RBM12: variants seen among roughly 807,000 people sequenced by gnomAD.
The protein encoded by RBM12 is RNA binding motif protein 12.
A neutral mutation model predicts 37.2 loss-of-function variants in RBM12; 24 were observed. The ratio of observed to expected loss-of-function variants is 0.65; its 90% confidence interval spans 0.47 to 0.91. The LOEUF is 0.91. Among genes scored for constraint, RBM12 ranks in the 40% least tolerant of loss-of-function variants. The pLI is 0.00. For synonymous variants in RBM12, 420 were observed against 425.2 expected (o/e 0.99, Z 0.15); for missense variants, 1,061 against 1,183.2 (o/e 0.90, Z 1.52).
At chr20:35,655,493 C>T in intron 2 of RBM12, 149 bp from the exon 3 acceptor site, 1 of 712,760 alleles carries the variant, frequency 1.4e-6, no homozygotes, top group East Asian at 2.8e-5. Flanking sequence ...ATTCTAAAAA[C>T]TGAACATTAC....
Position 35,653,703 on chromosome 20 carries a change from G to A in RBM12, c.1620C>T (p.Asn540=), listed in dbSNP as rs1568936157. ...EMILNPEGDV[N]SAKVCAHITN... is the part of the protein sequence containing the mutation. ...TTATGTGGGCACAGACTTTGGCAGA[G>A]TTGACATCCCCCTCTGGATTTAGTA... is the stretch of plus-strand genomic sequence containing the variant. Residue 540 remains asparagine (N), a synonymous_variant, in exon 3 of 3, where the codon AAC becomes AAT. Transcript: ENST00000374114. The A allele has an allele frequency of 1.2e-6, 2 of 1,614,228 alleles. No homozygotes were observed.
In RBM12 at chr20:35,651,830, G is replaced by C. The variant is rs1460686124; in HGVS notation, c.*694C>G. 1.3e-5 allele frequency: 2 copies of C among 152,564 alleles called. No homozygotes were observed. The highest frequency in any genetic ancestry group is 2.9e-5 in the Non-Finnish European group (2 of 68,024). The allele number at this position is 152,564 out of a possible 1,614,324, so 9.5% of individuals were successfully genotyped here. A position where few individuals can be genotyped will look rare whatever the true frequency, so the allele number is the denominator to read the frequency against. On this transcript the variant is annotated 3_prime_UTR_variant, in exon 3 of 3. Transcript: ENST00000374114. ...AGTCTTATTCCACACAGTTTTAAGT[G>C]TGACATTAGAAATCAAAGTTTGAGG...
At position 35,654,302 on chromosome 20, in the gene RBM12, G is replaced by C. The variant is rs750363901; in HGVS notation, c.1021C>G (p.Arg341Gly). Residue 341 changes from arginine to glycine, a missense_variant, in exon 3 of 3, where the codon CGA becomes GGA. By Grantham distance (125) the Arg-to-Gly change is moderately radical. Transcript: ENST00000374114. ...AVHLLKDHVG[R>G]NNGNGLVKFL... ...TTAACCAATCCATTCCCATTATTTCGACCTACATGATCTTTCAACAAATGC... is the reference window on the plus strand; with the variant it reads ...TTAACCAATCCATTCCCATTATTTCCACCTACATGATCTTTCAACAAATGC... 2.5e-6 allele frequency: 4 copies of C among 1,613,864 alleles called. No homozygotes were observed. The highest frequency in any genetic ancestry group is 2.2e-5 in the East Asian group (1 of 44,892).
At chr20:35,660,208 T>G (rs1026162762) in intron 1 of RBM12, among the ~76,000 whole-genome samples, 1 of 152,194 alleles carries the variant, frequency 6.6e-6, no homozygotes, top group African/African-American at 2.4e-5. Flanking sequence ...GCCTCTTTTT[T>G]TTTTCTTTTT....
intron 1 of RBM12, among the ~76,000 whole-genome samples, chr20:35,663,694 C>A (rs2034363947): frequency 6.6e-6 from 1 of 152,190 alleles, no homozygotes; most frequent in Non-Finnish European, 1.5e-5. Context: ...GAGTAACCCT[C>A]ACAAGAGCCC....
chr20:35,663,167 A>G (rs1282019267), intron 1 of RBM12, among the ~76,000 whole-genome samples: 5 of 152,210 alleles, frequency 3.3e-5, no homozygotes, highest in African/African-American at 9.7e-5. Context: ...ATGTCTGCAC[A>G]CTTTCCACTA....
chr20:35,651,086 G>A lies in RBM12; in HGVS notation c.*1438C>T, dbSNP rs41309308. The A allele has an allele frequency of 0.021, 3,225 of 152,236 alleles. 53 individuals are homozygous for A. The highest frequency in any genetic ancestry group is 0.033 in the Non-Finnish European group (2,235 of 67,984). 9.4% of individuals were successfully genotyped at this position (152,236 alleles called of 1,614,324 possible). The stretch of plus-strand genomic sequence containing the variant: ...GTAAGGCCAAGTTTTTCATCACAAG[G>A]AAAGTAACCATAATTAGAGCCTTTT... On this transcript the variant is annotated 3_prime_UTR_variant, in exon 3 of 3. Coordinates refer to ENST00000374114, the MANE Select transcript of RBM12 (RefSeq NM_006047.6).
chr20:35,658,840 A>G, intron 2 of RBM12, 90 bp downstream of exon 2: 1 of 649,436 alleles, frequency 1.5e-6, no homozygotes, highest in Non-Finnish European at 2.8e-6. Flanking sequence ...CACACACACA[A>G]TATAGTTGCT....
intron 1 of RBM12, among the ~76,000 whole-genome samples, chr20:35,662,874 C>T (rs1057270593): frequency 1.3e-5 from 2 of 152,104 alleles, no homozygotes; most frequent in Middle Eastern, 3.2e-3. Context: ...TTGCAAGTAA[C>T]CACACAATTA....
intron 2 of RBM12, among the ~76,000 whole-genome samples, chr20:35,657,866 G>C (rs1338671820): frequency 6.6e-6 from 1 of 152,052 alleles, no homozygotes; most frequent in East Asian, 1.9e-4. Flanking sequence ...TTCAAGACCA[G>C]CCTGGCCAAC....
At position 35,653,351 on chromosome 20, in the gene RBM12, G is replaced by A. The variant is rs1037959747; in HGVS notation, c.1972C>T (p.Pro658Ser). 1.9e-6 allele frequency: 3 copies of A among 1,614,122 alleles called. No individual in the cohort carries two copies. The highest frequency in any genetic ancestry group is 2.5e-6 in the Non-Finnish European group (3 of 1,179,994). The part of the protein sequence containing the change: ...AVPGMPNAGL[P>S]GVGLPSAGLP... Reference sequence around the variant, plus strand: ...CCTGCACTGGGCAGTCCCACACCGGGCAGTCCCGCATTGGGCATTCCTGGA... The same window carrying A: ...CCTGCACTGGGCAGTCCCACACCGGACAGTCCCGCATTGGGCATTCCTGGA... The change falls in exon 3 of 3, where the codon CCC (proline) becomes TCC (serine). Residue 658 changes from proline to serine, a missense_variant. By Grantham distance (74) the Pro-to-Ser change is moderately conservative (BLOSUM62 -1). This residue lies in a region of RBM12 where 517 missense variants were observed against 534.0 expected (regional missense o/e 0.97). Transcript: ENST00000374114.
rs928413166 is a variant in RBM12 at position 35,651,312 on chromosome 20, G to GA, written c.*1211dup. ...CTGCCTTAGTGTCCTGAATACCAAA[G>GA]AAAAGAGTATGAAAGGGTCAAGAAT... On this transcript the variant is annotated 3_prime_UTR_variant, in exon 3 of 3. Coordinates refer to ENST00000374114, the MANE Select transcript of RBM12 (RefSeq NM_006047.6). 6.6e-6 allele frequency: 1 copy of GA among 152,136 alleles called. No homozygotes were observed. The highest frequency in any genetic ancestry group is 1.5e-5 in the Non-Finnish European group (1 of 68,014). The allele number at this position is 152,136 out of a possible 1,614,324, so 9.4% of individuals were successfully genotyped here.
At position 35,653,566 on chromosome 20, in the gene RBM12, C is replaced by A; in HGVS notation, c.1757G>T (p.Gly586Val). 6.2e-7 allele frequency: 1 copy of A among 1,614,202 alleles called. No homozygotes were observed. Among genetic ancestry groups the A allele is most frequent in the Non-Finnish European group, 8.5e-7 (1 of 1,180,028 alleles). Reference protein sequence around the residue: ...VLVDNNGQGLGQALVQFKNED... With the variant: ...VLVDNNGQGLVQALVQFKNED... ...ATTTTTAAACTGAACCAATGCCTGT[C>A]CTAGACCTTGCCCATTGTTATCAAC... Residue 586 changes from glycine to valine, a missense_variant, in exon 3 of 3, where the codon GGA (glycine) becomes GTA (valine). Physicochemically the swap from Gly to Val is moderately radical, Grantham distance 109. Coordinates refer to ENST00000374114, the MANE Select transcript of RBM12 (RefSeq NM_006047.6).
At chr20:35,660,307 G>C (rs1243333556) in intron 1 of RBM12, among the ~76,000 whole-genome samples, 2 of 152,112 alleles carry the variant, frequency 1.3e-5, no homozygotes, top group African/African-American at 4.8e-5. Flanking sequence ...CGCCTCCCTG[G>C]GTTCAAGCTA....
In RBM12 at chr20:35,653,683, T is replaced by C. The variant is rs1233352733; in HGVS notation, c.1640A>G (p.His547Arg). The change falls in exon 3 of 3, where the codon CAC becomes CGC. Residue 547 changes from histidine (H) to arginine (R), a missense_variant. By Grantham distance (29) the His-to-Arg change is conservative. Coordinates refer to ENST00000374114, the MANE Select transcript of RBM12 (RefSeq NM_006047.6). ...GDVNSAKVCA[H>R]ITNIPFSITK... ...AATGCTGAATGGAATATTTGTTATGTGGGCACAGACTTTGGCAGAGTTGAC... is the reference window on the plus strand; with the variant it reads ...AATGCTGAATGGAATATTTGTTATGCGGGCACAGACTTTGGCAGAGTTGAC... 1.2e-6 allele frequency: 2 copies of C among 1,614,118 alleles called. No individual in the cohort carries two copies. Among genetic ancestry groups the C allele is most frequent in the African/African-American group, 1.3e-5 (1 of 74,944 alleles).
chr20:35,650,893 C>T lies in RBM12; in HGVS notation c.*1631G>A, dbSNP rs538675468. On this transcript the variant is annotated 3_prime_UTR_variant, in exon 3 of 3. Transcript: ENST00000374114. ...TAAAAGACTGACCCCTTTGTAACTA[C>T]GCTGATTTGTAGGAAATGTTGGGGA... The T allele has an allele frequency of 6.6e-6, 1 of 152,612 alleles. No homozygotes were observed. The highest frequency in any genetic ancestry group is 2.1e-4 in the South Asian group (1 of 4,828). 9.5% of individuals were successfully genotyped at this position (152,612 alleles called of 1,614,324 possible).
In RBM12 at chr20:35,653,352, C is replaced by G; in HGVS notation, c.1971G>C (p.Leu657=). The change falls in exon 3 of 3, where the codon CTG becomes CTC. Residue 657 remains leucine, a synonymous_variant. Coordinates refer to ENST00000374114, the MANE Select transcript of RBM12 (RefSeq NM_006047.6). ...PAVPGMPNAG[L]PGVGLPSAGL... is the part of the protein sequence containing the mutation. ...CTGCACTGGGCAGTCCCACACCGGG[C>G]AGTCCCGCATTGGGCATTCCTGGAA... The G allele has an allele frequency of 6.2e-7, 1 of 1,614,142 alleles. No homozygotes were observed. Among genetic ancestry groups the G allele is most frequent in the Non-Finnish European group, 8.5e-7 (1 of 1,180,008 alleles).
intron 1 of RBM12, among the ~76,000 whole-genome samples, chr20:35,660,887 C>A (rs2034197284): frequency 6.6e-6 from 1 of 152,122 alleles, no homozygotes; most frequent in African/African-American, 2.4e-5. Flanking sequence ...CTGGGGTCAG[C>A]CAGTTAAGCT....
At position 35,652,879 on chromosome 20, in the gene RBM12, G is replaced by C. The variant is rs576093977; in HGVS notation, c.2444C>G (p.Ala815Gly). 2.5e-6 allele frequency: 4 copies of C among 1,613,334 alleles called. No homozygotes were observed. The East Asian group carries it at 8.9e-5, about 36-fold the overall frequency. The part of the protein sequence containing the change: ...FGSGPPGLGS[A>G]PGHLGGPPAF... Reference sequence around the variant, plus strand: ...TGGTGGCCCACCCAAATGCCCAGGGGCACTTCCAAGACCAGGAGGGCCACT... The same window carrying C: ...TGGTGGCCCACCCAAATGCCCAGGGCCACTTCCAAGACCAGGAGGGCCACT... The change falls in exon 3 of 3, where the codon GCC becomes GGC. Residue 815 changes from alanine (A) to glycine (G), a missense_variant. Physicochemically the swap from Ala to Gly is moderately conservative, Grantham distance 60. This residue lies in a region of RBM12 where 517 missense variants were observed against 534.0 expected (regional missense o/e 0.97). Coordinates refer to ENST00000374114, the MANE Select transcript of RBM12 (RefSeq NM_006047.6).
Sources: allele counts gnomAD v4.1 joint callset (sites outside exome capture counted in the v4.1 genomes callset), GRCh38; gene constraint gnomAD v4.1.1; regional missense constraint gnomAD v4.1.1; transcripts MANE v1.5; gene names NCBI Gene and HGNC (gene_info 2026-07-23, HGNC 2026-07-21).